Variants in NDUFAF6 observed in about 807,000 individuals in gnomAD.
NDUFAF6 encodes the protein NADH dehydrogenase (ubiquinone) complex I, assembly factor 6.
In NDUFAF6, 45 loss-of-function variants were observed where a neutral mutation model predicts 40.8. The ratio of observed to expected loss-of-function variants is 1.10; its 90% CI spans 0.87 to 1.42. The LOEUF (loss-of-function observed/expected upper bound fraction) is 1.42, where lower values mean the gene tolerates loss of function less well. Among genes scored for constraint, NDUFAF6 ranks in the 40% most tolerant of loss-of-function variants. NDUFAF6 has a pLI of 0.00. For missense variants in NDUFAF6, 435 were observed against 418.5 expected (o/e 1.04, Z -0.34); for synonymous variants, 185 against 155.9 (o/e 1.19, Z -1.39).
intron 2 of NDUFAF6, among the ~76,000 whole-genome samples, chr8:95,091,515 C>G (rs1809252039): frequency 6.6e-6 from 1 of 152,054 alleles, no homozygotes; most frequent in Non-Finnish European, 1.5e-5. Context: ...AACCATATCA[C>G]CCGCCATGGC....
chr8:95,057,422 C>G (rs546573495), intron 8 of NDUFAF6, among the ~76,000 whole-genome samples: 6 of 152,178 alleles, frequency 3.9e-5, no homozygotes, highest in African/African-American at 1.2e-4. Flanking sequence ...TGAGCTCCCC[C>G]TCATGGTACA....
downstream of NDUFAF6, among the ~76,000 whole-genome samples, chr8:95,105,779 G>GT (rs1809826275): frequency 2.6e-5 from 4 of 151,672 alleles, no homozygotes; most frequent in Non-Finnish European, 4.4e-5. Flanking sequence ...GGGATTACAG[G>GT]CGTGAACCAC....
intron 1 of NDUFAF6, chr8:95,101,012 T>G: frequency 6.6e-6 from 1 of 152,214 alleles, no homozygotes; most frequent in Admixed American, 6.5e-5. Flanking sequence ...TTTACCTATT[T>G]GTTTAAGCAA....
chr8:95,113,135 A>G (rs1479631616), intron 4 of NDUFAF6, among the ~76,000 whole-genome samples: 1 of 152,232 alleles, frequency 6.6e-6, no homozygotes, highest in Non-Finnish European at 1.5e-5. Flanking sequence ...ACAGGTTGTA[A>G]GCAAGTGGCA....
At chr8:95,035,873 T>C (rs186495895) in intron 3 of NDUFAF6, among the ~76,000 whole-genome samples, 6 of 152,342 alleles carry the variant, frequency 3.9e-5, no homozygotes, top group African/African-American at 1.4e-4. Flanking sequence ...CCTACACATT[T>C]TGATATAATA....
At chr8:95,047,532 CAA>C (rs1240479495) in intron 6 of NDUFAF6, among the ~76,000 whole-genome samples, 1 of 120,092 alleles carries the variant, frequency 8.3e-6, no homozygotes, top group Admixed American at 9.8e-5. Flanking sequence ...TTTTTTGAGA[CAA>C]AGTCTTGCTC....
At chr8:95,052,929 T>G (rs909855170) in intron 8 of NDUFAF6, among the ~76,000 whole-genome samples, 3 of 152,188 alleles carry the variant, frequency 2.0e-5, no homozygotes, top group Non-Finnish European at 4.4e-5. Flanking sequence ...GAGACAGGGC[T>G]TGGGTTAGGT....
chr8:94,954,057 A>AG (rs1822860056), upstream of NDUFAF6, among the ~76,000 whole-genome samples: 4 of 151,718 alleles, frequency 2.6e-5, no homozygotes, highest in African/African-American at 9.7e-5. Context: ...TTGCAAGATG[A>AG]ATTTTTTTGT....
At chr8:94,970,566 G>A (rs2131529368) in intron 1 of NDUFAF6, among the ~76,000 whole-genome samples, 1 of 151,966 alleles carries the variant, frequency 6.6e-6, no homozygotes, top group South Asian at 2.1e-4. Flanking sequence ...ACTCCCGCCT[G>A]GGTGACATGT....
rs575679647 is a variant in NDUFAF6 at position 94,920,095 on chromosome 8, T to C, written c.-936+24168T>C. On this transcript the variant is annotated intron_variant, in intron 1 of 14. Coordinates refer to the NDUFAF6 transcript ENST00000396113. ...TAAAAGGGGGTAGAGATGGCTGCTGTAACAGTTTGATATATAATGATAACA... is the reference window on the plus strand; with the variant it reads ...TAAAAGGGGGTAGAGATGGCTGCTGCAACAGTTTGATATATAATGATAACA... 4.6e-5 allele frequency among the ~76,000 whole-genome samples: 7 copies of C among 152,292 alleles called. No homozygotes were observed. In the South Asian group the frequency reaches 1.5e-3, roughly 32 times the overall value.
intron 1 of NDUFAF6, among the ~76,000 whole-genome samples, chr8:94,935,168 GATAGATAT>G (rs1820858271): frequency 6.6e-6 from 1 of 151,296 alleles, no homozygotes; most frequent in South Asian, 2.1e-4. Flanking sequence ...TAGATAGATA[GATAGATAT>G]AATACAATAC....
At chr8:95,012,651 T>C (rs905113338) in intron 2 of NDUFAF6, among the ~76,000 whole-genome samples, 3 of 151,008 alleles carry the variant, frequency 2.0e-5, no homozygotes, top group African/African-American at 7.3e-5. Flanking sequence ...CTAAAATAAA[T>C]AAATAAATAA....
At chr8:95,075,055 G>A (rs569175706) in intron 9 of NDUFAF6, among the ~76,000 whole-genome samples, 1 of 152,270 alleles carries the variant, frequency 6.6e-6, no homozygotes, top group South Asian at 2.1e-4. Context: ...CTGATTGTTG[G>A]TAGGTCAACA....
At chr8:95,036,907 G>A (rs968068344) in intron 3 of NDUFAF6, among the ~76,000 whole-genome samples, 31 of 152,314 alleles carry the variant, frequency 2.0e-4, no homozygotes, top group Middle Eastern at 3.4e-3. Flanking sequence ...AAAGATGCAG[G>A]TCATGTTCAG....
chr8:95,060,922 G>A (rs981535791), downstream of NDUFAF6, among the ~76,000 whole-genome samples: 1 of 152,152 alleles, frequency 6.6e-6, no homozygotes, highest in Non-Finnish European at 1.5e-5. Flanking sequence ...GTTAGGTGCT[G>A]GTCACTGGGT....
At chr8:95,098,872 A>G (rs1234989961), upstream of NDUFAF6, among the ~76,000 whole-genome samples, 1 of 151,966 alleles carries the variant, frequency 6.6e-6, no homozygotes, top group Non-Finnish European at 1.5e-5. Flanking sequence ...CAGTGCGCCA[A>G]GATCGCCCCA....
At chr8:95,044,204 T>C (rs1166763046) in intron 4 of NDUFAF6, among the ~76,000 whole-genome samples, 1 of 151,950 alleles carries the variant, frequency 6.6e-6, no homozygotes, top group Non-Finnish European at 1.5e-5. Flanking sequence ...AGTAGATTAG[T>C]GGTTTGCCAG....
At chr8:95,022,176 A>G (rs1346911250), upstream of NDUFAF6, among the ~76,000 whole-genome samples, 1 of 152,164 alleles carries the variant, frequency 6.6e-6, no homozygotes, top group Non-Finnish European at 1.5e-5. Context: ...GGTTCAATAT[A>G]ATAAAAATAC....
At chr8:95,050,141 A>T (rs1252793916) in intron 7 of NDUFAF6, among the ~76,000 whole-genome samples, 1 of 152,222 alleles carries the variant, frequency 6.6e-6, no homozygotes, top group Admixed American at 6.5e-5. Flanking sequence ...AGAGGCAGGA[A>T]AGCTTTGTGT....
Sources: gnomAD v4.1 joint callset for allele counts (sites outside exome capture counted in the v4.1 genomes callset) on GRCh38, gnomAD v4.1.1 for gene constraint, MANE v1.5 for transcripts, NCBI Gene and HGNC (gene_info 2026-07-23, HGNC 2026-07-21) for gene names.